SYN3: variants seen among roughly 807,000 people sequenced by gnomAD.
SYN3 encodes the protein synapsin III.
A neutral mutation model predicts 65.8 loss-of-function variants in SYN3; 35 were observed. The observed-to-expected ratio is 0.53, with a 90% confidence interval of 0.41 to 0.70. The LOEUF (loss-of-function observed/expected upper bound fraction) is 0.70. Ranked by LOEUF, SYN3 falls within the 30% of genes least tolerant of loss-of-function variation. SYN3 has a pLI of 0.00. For missense variants in SYN3, 680 were observed against 749.0 expected, an observed-to-expected ratio of 0.91 and a Z score of 1.08; for synonymous variants, 270 against 292.9, an observed-to-expected ratio of 0.92 and a Z score of 0.80.
chr22:32,565,915 T>C (rs937169779), intron 7 of SYN3, among the ~76,000 whole-genome samples: 4 of 152,018 alleles, frequency 2.6e-5, no homozygotes, highest in African/African-American at 9.7e-5. Flanking sequence ...CGTTTCATCA[T>C]GTTAACCAGG....
intron 4 of SYN3, among the ~76,000 whole-genome samples, chr22:32,888,936 C>T (rs899666353): frequency 2.6e-5 from 4 of 152,198 alleles, no homozygotes; most frequent in Non-Finnish European, 5.9e-5. Context: ...ATGATGAGTT[C>T]TGCCTTAGCC....
intron 4 of SYN3, among the ~76,000 whole-genome samples, chr22:32,914,249 T>C (rs1218660634): frequency 6.6e-6 from 1 of 152,170 alleles, no homozygotes; most frequent in Non-Finnish European, 1.5e-5. Context: ...AGACGAGTCA[T>C]AGTCATACTC....
At position 32,518,219 on chromosome 22, in the gene SYN3, C is replaced by T. The variant is rs1335808983; in HGVS notation, c.1434G>A (p.Gln478=). The T allele has an allele frequency of 3.5e-5, 56 of 1,613,788 alleles. No individual in the cohort carries two copies. Among genetic ancestry groups the T allele is most frequent in the Non-Finnish European group, 4.7e-5 (55 of 1,179,976 alleles). The change falls in exon 13 of 14, where the codon CAG becomes CAA. Residue 478 remains glutamine (Q), a synonymous_variant. Transcript: ENST00000358763. ...PLSPQSGSPQ[Q]QRSPGSPQLS... ...GCTGCGGAGAGCCTGGTGACCTTTG[C>T]TGCTGTGGAGATCCGGACTGGGGGC...
chr22:32,936,716 G>C (rs1432972795), intron 3 of SYN3, among the ~76,000 whole-genome samples: 1 of 152,206 alleles, frequency 6.6e-6, no homozygotes, highest in Non-Finnish European at 1.5e-5. Context: ...AAATTTCATA[G>C]TGGGACTGAA....
intron 6 of SYN3, among the ~76,000 whole-genome samples, chr22:32,728,021 A>G (rs930109397): frequency 2.0e-5 from 3 of 152,222 alleles, no homozygotes; most frequent in Non-Finnish European, 2.9e-5. Flanking sequence ...TGGTGCTGGG[A>G]GAACTGGCTA....
At chr22:32,601,282 CT>C (rs67325525) in intron 6 of SYN3, among the ~76,000 whole-genome samples, 14 of 146,296 alleles carry the variant, frequency 9.6e-5, no homozygotes, top group East Asian at 2.0e-4. Context: ...TTTTTTCTTT[CT>C]TTTTTTTTTT....
intron 10 of SYN3, 103 bp from the exon 11 acceptor site, chr22:32,529,111 C>T: frequency 7.0e-7 from 1 of 1,434,050 alleles, no homozygotes; most frequent in Non-Finnish European, 9.6e-7. Flanking sequence ...ACAGAAGTGA[C>T]CACCAGATGG....
At chr22:32,596,836 G>A in intron 6 of SYN3, 100 bp from the exon 7 acceptor site, 2 of 1,224,580 alleles carry the variant, frequency 1.6e-6, no homozygotes, top group Non-Finnish European at 2.3e-6. Flanking sequence ...CATTTCATAT[G>A]GTCGGGAATC....
At position 32,615,198 on chromosome 22, in the gene SYN3, G is replaced by A. The variant is rs945413648; in HGVS notation, c.712-18462C>T. On this transcript the variant is annotated intron_variant, in intron 6 of 13. Coordinates refer to ENST00000358763, the MANE Select transcript of SYN3 (RefSeq NM_003490.4). ...AGAATCCCAGACTTTGGGATCCACCGCTGAGGTGGGTGGATCACCTGAGGT... is the reference window on the plus strand; with the variant it reads ...AGAATCCCAGACTTTGGGATCCACCACTGAGGTGGGTGGATCACCTGAGGT... Among the ~76,000 whole-genome samples the A allele has an allele frequency of 5.3e-5, 8 of 151,964 alleles. No homozygotes were observed. In the East Asian group the frequency reaches 5.8e-4, roughly 11 times the overall value.
chr22:32,857,167 T>G (rs2048392502), intron 6 of SYN3: 1 of 1,053,264 alleles, frequency 9.5e-7, no homozygotes, highest in Non-Finnish European at 1.5e-6. Context: ...TTCCTTTGGA[T>G]ACATACCCAG....
At chr22:32,628,908 G>C (rs1264015944) in intron 6 of SYN3, among the ~76,000 whole-genome samples, 1 of 152,180 alleles carries the variant, frequency 6.6e-6, no homozygotes, top group Non-Finnish European at 1.5e-5. Context: ...TGAAGGAAGA[G>C]GCTGTGGTCT....
At chr22:32,709,004 G>A (rs748307378) in intron 6 of SYN3, among the ~76,000 whole-genome samples, 3 of 152,208 alleles carry the variant, frequency 2.0e-5, no homozygotes, top group Non-Finnish European at 4.4e-5. Context: ...GTGATGGGAA[G>A]TGGGGCCAGC....
intron 8 of SYN3, among the ~76,000 whole-genome samples, chr22:32,539,988 T>A (rs2146227827): frequency 6.6e-6 from 1 of 152,246 alleles, no homozygotes; most frequent in African/African-American, 2.4e-5. Flanking sequence ...CTGGCTTGCC[T>A]CACAGGAGGA....
At chr22:32,709,987 T>C (rs2060933735) in intron 6 of SYN3, among the ~76,000 whole-genome samples, 1 of 151,718 alleles carries the variant, frequency 6.6e-6, no homozygotes, top group South Asian at 2.1e-4. Context: ...TGGCTTTGCA[T>C]ATAAATCTTC....
chr22:32,679,181 T>C (rs2060488989), intron 6 of SYN3, among the ~76,000 whole-genome samples: 1 of 150,870 alleles, frequency 6.6e-6, no homozygotes, highest in South Asian at 2.1e-4. Flanking sequence ...GCCTCCCGAG[T>C]AGCTGGGACT....
intron 6 of SYN3, among the ~76,000 whole-genome samples, chr22:32,750,082 G>C (rs1195657067): frequency 6.6e-6 from 1 of 152,018 alleles, no homozygotes; most frequent in Non-Finnish European, 1.5e-5. Flanking sequence ...TCCTGTTCTA[G>C]GTGCTAGAGA....
At chr22:32,947,315 A>G (rs559632242) in intron 3 of SYN3, among the ~76,000 whole-genome samples, 9 of 152,370 alleles carry the variant, frequency 5.9e-5, no homozygotes, top group African/African-American at 2.2e-4. Flanking sequence ...ACTTTATAAG[A>G]AAGAAATGCC....
chr22:32,864,533 T>C (rs1273162808), intron 6 of SYN3: 1 of 166,042 alleles, frequency 6.0e-6, no homozygotes, highest in Non-Finnish European at 1.3e-5. Flanking sequence ...TACTGCTTTT[T>C]ATTAAAATAT....
At chr22:32,554,681 G>A (rs2058466201) in intron 7 of SYN3, among the ~76,000 whole-genome samples, 1 of 152,124 alleles carries the variant, frequency 6.6e-6, no homozygotes, top group South Asian at 2.1e-4. Context: ...TAGCCAATAG[G>A]GGAAAGACAC....
Sources: allele counts gnomAD v4.1 joint callset (sites outside exome capture counted in the v4.1 genomes callset), GRCh38; gene constraint gnomAD v4.1.1; transcripts MANE v1.5; gene names NCBI Gene and HGNC (gene_info 2026-07-23, HGNC 2026-07-21).